The following LRRTM4 variants were observed in gnomAD, a reference collection of about 807,000 sequenced individuals.
LRRTM4 encodes the protein leucine rich repeat transmembrane neuronal 4, also known as leucine-rich repeat transmembrane neuronal protein 4.
Under a neutral mutation model 47.6 loss-of-function variants are expected in LRRTM4, and 25 were observed. The ratio of observed to expected loss-of-function variants is 0.53; its 90% CI spans 0.38 to 0.73. LRRTM4 has a LOEUF of 0.73. Ranked by LOEUF, LRRTM4 falls within the 30% of genes least tolerant of loss-of-function variation. The pLI is 0.00. For missense variants in LRRTM4, 638 were observed against 713.4 expected, an observed-to-expected ratio of 0.89 and a Z score of 1.20; for synonymous variants, 311 against 269.5, an observed-to-expected ratio of 1.15 and a Z score of -1.51.
At chr2:76,768,682 T>C (rs1273319755) in intron 3 of LRRTM4, among the ~76,000 whole-genome samples, 2 of 152,094 alleles carry the variant, frequency 1.3e-5, no homozygotes, top group African/African-American at 4.8e-5. Flanking sequence ...GGTACAAATA[T>C]ATCCTCAAAA....
chr2:77,316,040 G>A (rs527947753), intron 3 of LRRTM4, among the ~76,000 whole-genome samples: 1 of 152,148 alleles, frequency 6.6e-6, no homozygotes. Context: ...AAATTTGGTG[G>A]TCTGTCTTCT....
chr2:77,101,224 T>C (rs1287804960), intron 3 of LRRTM4, among the ~76,000 whole-genome samples: 3 of 152,128 alleles, frequency 2.0e-5, no homozygotes, highest in African/African-American at 7.2e-5. Context: ...AAATATTACA[T>C]GAATAAATGG....
chr2:76,776,795 G>A (rs1213623426), intron 3 of LRRTM4, among the ~76,000 whole-genome samples: 6 of 145,290 alleles, frequency 4.1e-5, no homozygotes, highest in African/African-American at 1.5e-4. Flanking sequence ...GGCTTTTGTT[G>A]CCATTGCTTT....
chr2:76,903,845 T>G (rs1673728106), intron 3 of LRRTM4, among the ~76,000 whole-genome samples: 1 of 152,302 alleles, frequency 6.6e-6, no homozygotes, highest in South Asian at 2.1e-4. Flanking sequence ...GTGGTATGCT[T>G]CTTTTCTCAA....
At chr2:77,298,977 T>C (rs1024413684) in intron 3 of LRRTM4, among the ~76,000 whole-genome samples, 2 of 152,110 alleles carry the variant, frequency 1.3e-5, no homozygotes, top group African/African-American at 4.8e-5. Flanking sequence ...TTAGGATATA[T>C]AGAAGATGAT....
At chr2:77,266,964 C>T (rs1011554054) in intron 3 of LRRTM4, among the ~76,000 whole-genome samples, 1 of 152,096 alleles carries the variant, frequency 6.6e-6, no homozygotes, top group Non-Finnish European at 1.5e-5. Flanking sequence ...AATATGGACA[C>T]ACTGACATTT....
intron 3 of LRRTM4, among the ~76,000 whole-genome samples, chr2:76,833,618 GAT>G (rs1392687207): frequency 1.3e-5 from 2 of 151,732 alleles, no homozygotes; most frequent in African/African-American, 4.8e-5. Context: ...AATATTGTAA[GAT>G]ATGACATTAA....
chr2:77,174,810 C>A (rs1214218407), intron 3 of LRRTM4, among the ~76,000 whole-genome samples: 1 of 151,954 alleles, frequency 6.6e-6, no homozygotes, highest in Non-Finnish European at 1.5e-5. Context: ...CCCCACCCCA[C>A]AACAGGCCCT....
intron 3 of LRRTM4, among the ~76,000 whole-genome samples, chr2:77,464,545 A>AT (rs138882418): frequency 0.24 from 36,989 of 151,712 alleles, 4,947 homozygotes; most frequent in Non-Finnish European, 0.3. Flanking sequence ...AATCCAGTGC[A>AT]TTTTTTTACA....
intron 3 of LRRTM4, among the ~76,000 whole-genome samples, chr2:76,901,513 T>C (rs1292680384): frequency 1.3e-5 from 2 of 152,154 alleles, no homozygotes; most frequent in African/African-American, 2.4e-5. Flanking sequence ...GTCTAGTTTC[T>C]TCATTCCCGC....
intron 3 of LRRTM4, among the ~76,000 whole-genome samples, chr2:77,483,965 T>C (rs1260703336): frequency 1.3e-5 from 2 of 152,178 alleles, no homozygotes; most frequent in Non-Finnish European, 2.9e-5. Context: ...AAGGTAATGT[T>C]TTATTTTGTT....
At chr2:76,807,455 T>TAC (rs1182815891) in intron 3 of LRRTM4, among the ~76,000 whole-genome samples, 30 of 102,630 alleles carry the variant, frequency 2.9e-4, no homozygotes, top group African/African-American at 1.5e-3. Context: ...CATATATATA[T>TAC]ATACATATAT....
intron 3 of LRRTM4, among the ~76,000 whole-genome samples, chr2:76,934,404 A>G (rs542110172): frequency 6.6e-6 from 1 of 152,188 alleles, no homozygotes; most frequent in Admixed American, 6.5e-5. Flanking sequence ...CAGTAATGTG[A>G]CTAGGGACAT....
At chr2:76,973,938 T>C (rs1183825125) in intron 3 of LRRTM4, among the ~76,000 whole-genome samples, 4 of 151,642 alleles carry the variant, frequency 2.6e-5, no homozygotes, top group Non-Finnish European at 5.9e-5. Flanking sequence ...CAATGAAACA[T>C]ACATTCAGAA....
chr2:76,815,174 A>G (rs1670864682), intron 3 of LRRTM4, among the ~76,000 whole-genome samples: 1 of 152,158 alleles, frequency 6.6e-6, no homozygotes, highest in African/African-American at 2.4e-5. Flanking sequence ...TATTTGAATG[A>G]GTCAGTGACT....
At chr2:76,749,658 G>A (rs1258641361) in intron 3 of LRRTM4, among the ~76,000 whole-genome samples, 3 of 152,080 alleles carry the variant, frequency 2.0e-5, no homozygotes, top group African/African-American at 7.2e-5. Flanking sequence ...TAACAGACCT[G>A]AATAATGGTC....
At chr2:76,952,612 C>T (rs1010463533) in intron 3 of LRRTM4, among the ~76,000 whole-genome samples, 15 of 151,888 alleles carry the variant, frequency 9.9e-5, no homozygotes, top group South Asian at 4.1e-4. Context: ...TAGTTCGGCA[C>T]GGTGGAAAAC....
At chr2:77,254,509 AT>A (rs1441015814) in intron 3 of LRRTM4, among the ~76,000 whole-genome samples, 4 of 151,978 alleles carry the variant, frequency 2.6e-5, no homozygotes, top group Non-Finnish European at 5.9e-5. Flanking sequence ...AAAAATAGGA[AT>A]AAAAAATATG....
rs546433136 is a variant in LRRTM4, at chr2:77,056,096, C to T, written c.1552-307180G>A. The stretch of plus-strand genomic sequence containing the variant: ...AGGAGATATACCTAATGCTAAATGA[C>T]GAGTTAATGGGTGCAGCACACCAGC... On this transcript the variant is annotated intron_variant, in intron 3 of 3. Transcript: ENST00000409884. 3.0e-3 allele frequency among the ~76,000 whole-genome samples: 443 copies of T among 149,850 alleles called. 2 individuals are homozygous for T. The highest frequency in any genetic ancestry group is 5.2e-3 in the Non-Finnish European group (351 of 67,570).
Sources: gnomAD v4.1 joint callset for allele counts (sites outside exome capture counted in the v4.1 genomes callset) on GRCh38, gnomAD v4.1.1 for gene constraint, MANE v1.5 for transcripts, NCBI Gene and HGNC (gene_info 2026-07-23, HGNC 2026-07-21) for gene names.